Variants in KIAA0930 observed in about 807,000 individuals in gnomAD.
The protein encoded by KIAA0930 is KIAA0930, also known as uncharacterized protein KIAA0930.
KIAA0930 carries 24 observed loss-of-function variants against 43.9 expected under a neutral mutation model. That is an observed-to-expected ratio of 0.55 (90% confidence interval 0.40 to 0.77). The LOEUF (loss-of-function observed/expected upper bound fraction) is 0.77, where lower values mean the gene tolerates loss of function less well. Ranked by LOEUF, KIAA0930 falls within the 30% of genes least tolerant of loss-of-function variation. The probability of loss-of-function intolerance (pLI) is 0.00; values close to 1 mark genes in which losing one functional copy is unlikely to be tolerated. For synonymous variants in KIAA0930, 259 were observed against 216.4 expected, an observed-to-expected ratio of 1.20 and a Z score of -1.73; for missense variants, 461 against 574.2, an observed-to-expected ratio of 0.80 and a Z score of 2.02.
chr22:45,194,791 G>C lies in KIAA0930; in HGVS notation c.*2385C>G, dbSNP rs41278907. ...GGGCCTGAGAAAGGCAGACTCCACC[G>C]AGTGTCTGTCCATCTGTCCGGACAG... On this transcript the variant is annotated 3_prime_UTR_variant, in exon 10 of 10. Coordinates refer to ENST00000336156, the MANE Select transcript of KIAA0930 (RefSeq NM_001009880.2). 4 of 152,344 alleles carry C rather than the reference G, an allele frequency of 2.6e-5. No homozygotes were observed. Among genetic ancestry groups the C allele is most frequent in the Non-Finnish European group, 5.9e-5 (4 of 68,028 alleles). The allele number at this position is 152,344 out of a possible 1,614,324, so 9.4% of individuals were successfully genotyped here. A position where few individuals can be genotyped will look rare whatever the true frequency, so the allele number is the denominator to read the frequency against.
At chr22:45,211,282 G>A in intron 2 of KIAA0930, 1 of 397,998 alleles carries the variant, frequency 2.5e-6, no homozygotes, top group Non-Finnish European at 4.4e-6. Flanking sequence ...GGCATATGGA[G>A]TTGATTAAAC....
At chr22:45,216,687 G>A (rs1180163573) in intron 1 of KIAA0930, among the ~76,000 whole-genome samples, 1 of 152,066 alleles carries the variant, frequency 6.6e-6, no homozygotes, top group Non-Finnish European at 1.5e-5. Context: ...TGCTAGTCCA[G>A]CACAGAGCCT....
Position 45,195,889 on chromosome 22 carries a change from GTCCCCTGT to G in KIAA0930, c.*1279_*1286del, listed in dbSNP as rs1286830582. 1 of 152,280 alleles carries G rather than the reference GTCCCCTGT, an allele frequency of 6.6e-6. No homozygotes were observed. The highest frequency in any genetic ancestry group is 2.4e-5 in the African/African-American group (1 of 41,404). The allele number at this position is 152,280 out of a possible 1,614,324, so 9.4% of individuals were successfully genotyped here. The stretch of plus-strand genomic sequence containing the variant: ...AAAGTCTGGAGAAAGCCCCAAAGTA[GTCCCCTGT>G]TCCCAGAGCCCAAAGAATAAACAGA... On this transcript the variant is annotated 3_prime_UTR_variant, in exon 10 of 10. Transcript: ENST00000336156.
chr22:45,240,590 C>A lies in KIAA0930; in HGVS notation c.64+50G>T, dbSNP rs1323162343. 3 of 1,323,608 alleles carry A rather than the reference C, an allele frequency of 2.3e-6. No individual in the cohort carries two copies. The East Asian group carries it at 7.6e-5, about 34-fold the overall frequency. 82.0% of individuals were successfully genotyped at this position (1,323,608 alleles called of 1,614,324 possible). ...AAACACGGACGCGCAGAGGCGGCCCCGGAGACGCTCACCTCTCCCGGCCCG... is the reference window on the plus strand; with the variant it reads ...AAACACGGACGCGCAGAGGCGGCCCAGGAGACGCTCACCTCTCCCGGCCCG... On this transcript the variant is annotated intron_variant, in intron 1 of 9. Coordinates refer to ENST00000336156, the MANE Select transcript of KIAA0930 (RefSeq NM_001009880.2).
intron 2 of KIAA0930, chr22:45,211,550 C>T (rs1242991225): frequency 2.2e-6 from 1 of 449,866 alleles, no homozygotes; most frequent in Non-Finnish European, 3.9e-6. Flanking sequence ...AAGTGGAAGG[C>T]ACCGTCATCA....
intron 1 of KIAA0930, among the ~76,000 whole-genome samples, chr22:45,239,918 T>G (rs1290237733): frequency 6.6e-6 from 1 of 151,680 alleles, no homozygotes; most frequent in East Asian, 1.9e-4. Context: ...CCATCAGTAA[T>G]GGATTACCTC....
intron 7 of KIAA0930, 170 bp from the exon 8 acceptor site, chr22:45,200,205 C>G: frequency 1.8e-6 from 1 of 562,584 alleles, no homozygotes; most frequent in Non-Finnish European, 2.9e-6. Context: ...GGCCTAGAGA[C>G]TGGAAGATGC....
intron 2 of KIAA0930, among the ~76,000 whole-genome samples, chr22:45,211,714 C>G (rs1476175917): frequency 1.3e-5 from 2 of 152,224 alleles, no homozygotes; most frequent in Non-Finnish European, 2.9e-5. Flanking sequence ...ACGGTGACGG[C>G]AATCACTGCC....
At chr22:45,230,819 A>G (rs1484802594) in intron 1 of KIAA0930, among the ~76,000 whole-genome samples, 1 of 151,548 alleles carries the variant, frequency 6.6e-6, no homozygotes, top group Non-Finnish European at 1.5e-5. Context: ...TGACCTTGTG[A>G]TCCACCCACC....
chr22:45,198,050 GC>G, intron 8 of KIAA0930, 102 bp from the exon 9 acceptor site: 1 of 1,193,002 alleles, frequency 8.4e-7, no homozygotes, highest in Non-Finnish European at 1.2e-6. Context: ...CTCTGCTGAG[GC>G]CAGGACGCTC....
intron 1 of KIAA0930, chr22:45,226,215 A>G: frequency 2.1e-6 from 1 of 470,668 alleles, no homozygotes; most frequent in South Asian, 1.5e-5. Flanking sequence ...AACGCTGTGA[A>G]ATCCTCGAAG....
rs1420355105 is a variant in KIAA0930 at position 45,197,644 on chromosome 22, C to CA, written c.1174+145dup. The CA allele has an allele frequency of 1.8e-5, 14 of 778,476 alleles. No individual in the cohort carries two copies. In the African/African-American group the frequency reaches 2.1e-4, roughly 12 times the overall value. 48.2% of individuals were successfully genotyped at this position (778,476 alleles called of 1,614,324 possible). On this transcript the variant is annotated intron_variant, in intron 9 of 9. Coordinates refer to ENST00000336156, the MANE Select transcript of KIAA0930 (RefSeq NM_001009880.2). ...CTACGGCTCCACCCAAAGTCTGAGA[C>CA]AAAGAGGCCAAGAGCCCTGCAAAGA... is the stretch of plus-strand genomic sequence containing the variant.
At chr22:45,214,431 C>A (rs1443530715) in intron 1 of KIAA0930, among the ~76,000 whole-genome samples, 1 of 152,180 alleles carries the variant, frequency 6.6e-6, no homozygotes, top group African/African-American at 2.4e-5. Context: ...TGTGGATAAA[C>A]CTCAAACTTG....
intron 7 of KIAA0930, chr22:45,201,077 G>A (rs1451047554): frequency 1.7e-5 from 8 of 479,204 alleles, no homozygotes; most frequent in South Asian, 4.8e-5. Context: ...CGGGAGCCCC[G>A]TCAGCCTCCT....
At chr22:45,202,959 G>A (rs1287402073) in intron 7 of KIAA0930, 31 bp downstream of exon 7, 1 of 1,550,430 alleles carries the variant, frequency 6.4e-7, no homozygotes, top group Non-Finnish European at 8.7e-7. Context: ...TGACGGATGG[G>A]AGCCCCCGCC....
chr22:45,203,669 A>G (rs2083609917), intron 6 of KIAA0930, among the ~76,000 whole-genome samples, 176 bp downstream of exon 6: 1 of 152,140 alleles, frequency 6.6e-6, no homozygotes, highest in South Asian at 2.1e-4. Context: ...ACCATGAAGA[A>G]TGACGTTAAG....
At chr22:45,230,014 C>G (rs1037179286) in intron 1 of KIAA0930, among the ~76,000 whole-genome samples, 1 of 152,154 alleles carries the variant, frequency 6.6e-6, no homozygotes, top group African/African-American at 2.4e-5. Flanking sequence ...GAGAATCACT[C>G]GAACCCAGGG....
chr22:45,237,350 C>T (rs1284779243), intron 1 of KIAA0930, among the ~76,000 whole-genome samples: 1 of 152,180 alleles, frequency 6.6e-6, no homozygotes, highest in Non-Finnish European at 1.5e-5. Flanking sequence ...GGGATCAGGG[C>T]CCAACACTCC....
chr22:45,230,285 C>T (rs187375090), intron 1 of KIAA0930, among the ~76,000 whole-genome samples: 1 of 152,182 alleles, frequency 6.6e-6, no homozygotes, highest in African/African-American at 2.4e-5. Flanking sequence ...GCACCCGAGA[C>T]ACATACAGGT....
Sources: allele counts gnomAD v4.1 joint callset (sites outside exome capture counted in the v4.1 genomes callset), GRCh38; gene constraint gnomAD v4.1.1; transcripts MANE v1.5; gene names NCBI Gene and HGNC (gene_info 2026-07-23, HGNC 2026-07-21).